GRK5: variants seen among roughly 807,000 people sequenced by gnomAD.
GRK5 encodes g protein-coupled receptor kinase GRK5.
GRK5 carries 40 observed loss-of-function variants against 78.4 expected under a neutral mutation model. The ratio of observed to expected loss-of-function variants is 0.51; its 90% CI spans 0.40 to 0.66. The LOEUF is 0.66. Ranked by LOEUF, GRK5 falls within the 30% of genes least tolerant of loss-of-function variation. The pLI, the probability that GRK5 is intolerant of heterozygous loss-of-function variation, is 0.00. For missense variants in GRK5, 598 were observed against 759.9 expected (o/e 0.79, Z 2.50); for synonymous variants, 289 against 296.8 (o/e 0.97, Z 0.27).
At chr10:119,224,907 CTT>C (rs1376904458) in intron 1 of GRK5, among the ~76,000 whole-genome samples, 1 of 152,218 alleles carries the variant, frequency 6.6e-6, no homozygotes, top group Non-Finnish European at 1.5e-5. Flanking sequence ...AAATGTGCAG[CTT>C]GGCCAGGTGA....
In GRK5 at chr10:119,446,491, C is replaced by T. The variant is rs994587217; in HGVS notation, c.1267-1632C>T. 6.4e-5 allele frequency among the ~76,000 whole-genome samples: 9 copies of T among 140,720 alleles called. No homozygotes were observed. In the Admixed American group the frequency reaches 6.5e-4, roughly 10 times the overall value. 92.3% of individuals were successfully genotyped at this position (140,720 alleles called of 152,430 possible). A position where few individuals can be genotyped will look rare whatever the true frequency, so the allele number is the denominator to read the frequency against. On this transcript the variant is annotated intron_variant, in intron 12 of 15. Coordinates refer to ENST00000392870, the MANE Select transcript of GRK5 (RefSeq NM_005308.3). Reference sequence around the variant, plus strand: ...GCCCACCCCTCGCCTTTCTCATCCTCGTTTGTGCCACCTTCCTGGCCAGCT... The same window carrying T: ...GCCCACCCCTCGCCTTTCTCATCCTTGTTTGTGCCACCTTCCTGGCCAGCT...
intron 1 of GRK5, among the ~76,000 whole-genome samples, chr10:119,221,950 T>C (rs1475283152): frequency 6.6e-6 from 1 of 152,202 alleles, no homozygotes; most frequent in African/African-American, 2.4e-5. Context: ...ACTTTAGTTG[T>C]AGATGACTTT....
At chr10:119,371,798 G>A (rs1443476703) in intron 2 of GRK5, among the ~76,000 whole-genome samples, 1 of 152,244 alleles carries the variant, frequency 6.6e-6, no homozygotes, top group Non-Finnish European at 1.5e-5. Flanking sequence ...TCTGATAGAG[G>A]AGATAGGATC....
chr10:119,317,647 G>T (rs1467778015), intron 1 of GRK5, among the ~76,000 whole-genome samples: 3 of 152,124 alleles, frequency 2.0e-5, no homozygotes, highest in Non-Finnish European at 4.4e-5. Context: ...TGAGAAGAAT[G>T]CCTGACTCAA....
intron 1 of GRK5, among the ~76,000 whole-genome samples, chr10:119,325,237 G>A (rs934603064): frequency 2.0e-5 from 3 of 152,228 alleles, no homozygotes; most frequent in Non-Finnish European, 4.4e-5. Flanking sequence ...AGCTTTGGGA[G>A]GAAGGCCTTA....
chr10:119,209,146 A>G (rs183546125), intron 1 of GRK5, among the ~76,000 whole-genome samples: 129 of 152,254 alleles, frequency 8.5e-4, no homozygotes, highest in African/African-American at 2.8e-3. Context: ...GGCCAGCAAT[A>G]AAACGATTCG....
At chr10:119,232,735 T>G (rs1395487196) in intron 1 of GRK5, among the ~76,000 whole-genome samples, 3 of 152,218 alleles carry the variant, frequency 2.0e-5, no homozygotes, top group Non-Finnish European at 4.4e-5. Flanking sequence ...ATTATGAGGC[T>G]TCCCCAGCCA....
chr10:119,346,207 A>AGTGAGGAAGGGGAAGGAGGAATGAATG (rs1851089648), intron 2 of GRK5, among the ~76,000 whole-genome samples: 1 of 152,230 alleles, frequency 6.6e-6, no homozygotes, highest in Admixed American at 6.5e-5. Context: ...CAAGGGAATC[A>AGTGAGGAAGGGGAAGGAGGAATGAATG]GTGAGGAAGG....
chr10:119,292,974 A>G (rs144052096), intron 1 of GRK5, among the ~76,000 whole-genome samples: 40 of 152,334 alleles, frequency 2.6e-4, no homozygotes, highest in Middle Eastern at 3.4e-3. Flanking sequence ...TAATCATTGA[A>G]TACTGGGAAA....
rs1254219974 is a variant in GRK5, at chr10:119,344,528, C to T, written c.148+17917C>T. On this transcript the variant is annotated intron_variant, in intron 2 of 15. Transcript: ENST00000392870. ...CACCACCTGTCAGAGCTCTCCAAGC[C>T]GGCAGCTGTTCCCGCTGCCCACCTG... is the stretch of plus-strand genomic sequence containing the variant. Among the ~76,000 whole-genome samples the T allele has an allele frequency of 5.9e-5, 9 of 152,314 alleles. No homozygotes were observed. In the East Asian group the frequency reaches 1.2e-3, roughly 20 times the overall value.
At chr10:119,240,460 C>T (rs1849007109) in intron 1 of GRK5, among the ~76,000 whole-genome samples, 1 of 152,022 alleles carries the variant, frequency 6.6e-6, no homozygotes, top group African/African-American at 2.4e-5. Context: ...CTCAGCCTCC[C>T]AAAGTGCTGG....
At chr10:119,298,843 C>G (rs1009313819) in intron 1 of GRK5, among the ~76,000 whole-genome samples, 1 of 152,178 alleles carries the variant, frequency 6.6e-6, no homozygotes, top group Non-Finnish European at 1.5e-5. Context: ...CCATTTACCC[C>G]CCAGCCACAT....
Position 119,411,449 on chromosome 10 carries a change from C to T in GRK5, c.340-11717C>T, listed in dbSNP as rs781504324. Among the ~76,000 whole-genome samples, 4 of 152,302 alleles carry T rather than the reference C, an allele frequency of 2.6e-5. No homozygotes were observed. The East Asian group carries it at 7.7e-4, about 29-fold the overall frequency. Reference sequence around the variant, plus strand: ...AAATGGCAGACTGGATGCCATCTTCCTAAAGGCATCATGGCCTCTGGAAGG... The same window carrying T: ...AAATGGCAGACTGGATGCCATCTTCTTAAAGGCATCATGGCCTCTGGAAGG... On this transcript the variant is annotated intron_variant, in intron 4 of 15. Transcript: ENST00000392870.
intron 4 of GRK5, among the ~76,000 whole-genome samples, chr10:119,403,832 G>A (rs891893394): frequency 6.6e-6 from 1 of 151,878 alleles, no homozygotes; most frequent in Non-Finnish European, 1.5e-5. Flanking sequence ...TGGGGTTTTC[G>A]CCACTTTGGC....
At chr10:119,259,104 G>A (rs1412380829) in intron 1 of GRK5, among the ~76,000 whole-genome samples, 9 of 129,134 alleles carry the variant, frequency 7.0e-5, no homozygotes, top group East Asian at 4.6e-4. Flanking sequence ...TCGCTCTTTC[G>A]CCCAGGCCGG....
chr10:119,326,413 C>T (rs1468645724), intron 1 of GRK5, 103 bp from the exon 2 acceptor site: 5 of 865,858 alleles, frequency 5.8e-6, no homozygotes, highest in African/African-American at 1.7e-5. Flanking sequence ...GCCTACAGCC[C>T]GTCCCTCTGT....
intron 2 of GRK5, among the ~76,000 whole-genome samples, chr10:119,368,734 C>A (rs1242647585): frequency 1.3e-5 from 2 of 152,242 alleles, no homozygotes; most frequent in East Asian, 3.9e-4. Flanking sequence ...GACCGCCTCA[C>A]TTCTGGGGGC....
chr10:119,426,096 G>A (rs920944048), intron 6 of GRK5, among the ~76,000 whole-genome samples: 61 of 152,352 alleles, frequency 4.0e-4, no homozygotes, highest in African/African-American at 1.3e-3. Flanking sequence ...CCATCTGGGG[G>A]CATCCAGTGA....
At chr10:119,215,657 C>G (rs1848559904) in intron 1 of GRK5, among the ~76,000 whole-genome samples, 2 of 151,952 alleles carry the variant, frequency 1.3e-5, no homozygotes, top group Admixed American at 1.3e-4. Context: ...GGTTAAGCTA[C>G]CATATCCTCC....
Sources: allele counts gnomAD v4.1 joint callset (sites outside exome capture counted in the v4.1 genomes callset), GRCh38; gene constraint gnomAD v4.1.1; transcripts MANE v1.5; gene names NCBI Gene and HGNC (gene_info 2026-07-23, HGNC 2026-07-21).